The following RGS6 variants were observed in gnomAD, a reference collection of about 807,000 sequenced individuals.
RGS6 encodes the protein regulator of G-protein signaling 6.
RGS6 carries 30 observed loss-of-function variants against 78.5 expected under a neutral mutation model. The ratio of observed to expected loss-of-function variants is 0.38; its 90% CI spans 0.29 to 0.52. The LOEUF is 0.52. Ranked by LOEUF, RGS6 falls within the 20% of genes least tolerant of loss-of-function variation. The pLI, the probability that RGS6 is intolerant of heterozygous loss-of-function variation, is 0.85. For missense variants in RGS6, 495 were observed against 609.7 expected, an observed-to-expected ratio of 0.81 and a Z score of 1.98; for synonymous variants, 206 against 206.0, an observed-to-expected ratio of 1.00 and a Z score of 0.00.
chr14:72,448,965 G>A (rs910584136), intron 3 of RGS6, among the ~76,000 whole-genome samples: 2 of 152,134 alleles, frequency 1.3e-5, no homozygotes, highest in Admixed American at 1.3e-4. Flanking sequence ...CGATAACAGG[G>A]TCAAGTGCCC....
At chr14:72,287,293 G>C (rs1425455627) in intron 2 of RGS6, among the ~76,000 whole-genome samples, 1 of 151,972 alleles carries the variant, frequency 6.6e-6, no homozygotes, top group Non-Finnish European at 1.5e-5. Context: ...TTCCTGTTTG[G>C]ATTTCTTTTT....
intron 2 of RGS6, among the ~76,000 whole-genome samples, chr14:72,035,586 G>T (rs779627643): frequency 6.6e-6 from 1 of 152,010 alleles, no homozygotes. Flanking sequence ...CCTTGTTAAC[G>T]TAGGTATTTA....
At chr14:72,590,634 G>T in the RGS6 span, among the ~76,000 whole-genome samples, 2 of 152,210 alleles carry the variant, frequency 1.3e-5, no homozygotes, top group African/African-American at 4.8e-5. Flanking sequence ...CTGTAGAGTT[G>T]ATGGAACAAG....
intron 3 of RGS6, among the ~76,000 whole-genome samples, chr14:72,360,310 A>G (rs1207380738): frequency 3.3e-5 from 5 of 152,064 alleles, no homozygotes; most frequent in African/African-American, 1.2e-4. Flanking sequence ...TCACAAGGTC[A>G]GGAAATCAAG....
chr14:72,077,402 GT>G (rs1194486763), intron 2 of RGS6, among the ~76,000 whole-genome samples: 4 of 151,812 alleles, frequency 2.6e-5, no homozygotes, highest in South Asian at 2.1e-4. Flanking sequence ...CCTTTGTTTA[GT>G]TTTTTTTCGT....
At chr14:72,521,283 A>G (rs2097034772) in intron 15 of RGS6, among the ~76,000 whole-genome samples, 3 of 152,200 alleles carry the variant, frequency 2.0e-5, no homozygotes, top group Admixed American at 1.3e-4. Flanking sequence ...CTAAACCACA[A>G]TGCTAAAAAT....
At chr14:72,197,564 T>C (rs968462203) in intron 2 of RGS6, among the ~76,000 whole-genome samples, 4 of 152,124 alleles carry the variant, frequency 2.6e-5, no homozygotes, top group African/African-American at 4.8e-5. Flanking sequence ...GGGGACAATA[T>C]ATGGGTTAAA....
chr14:72,168,413 T>C (rs1346857276), intron 2 of RGS6, among the ~76,000 whole-genome samples: 2 of 152,120 alleles, frequency 1.3e-5, no homozygotes, highest in Admixed American at 6.5e-5. Context: ...ACCCAGAGCA[T>C]GGTCTAGAAC....
chr14:72,597,810 C>T, the RGS6 span, among the ~76,000 whole-genome samples: 11 of 151,990 alleles, frequency 7.2e-5, no homozygotes, highest in African/African-American at 2.4e-4. Flanking sequence ...CTATGTGCAC[C>T]GAGGAGCAGA....
intron 2 of RGS6, among the ~76,000 whole-genome samples, chr14:72,159,168 A>G (rs988121670): frequency 1.3e-5 from 2 of 152,212 alleles, no homozygotes; most frequent in Non-Finnish European, 2.9e-5. Flanking sequence ...GTGGAGTAGA[A>G]GGAGTTAGTT....
At chr14:71,890,414 C>CT in the RGS6 span, among the ~76,000 whole-genome samples, 2 of 141,544 alleles carry the variant, frequency 1.4e-5, no homozygotes, top group African/African-American at 5.5e-5. Context: ...AGAGGCTGAG[C>CT]TAGCATCTGC....
chr14:72,438,345 G>C (rs1183479671), intron 3 of RGS6, among the ~76,000 whole-genome samples: 1 of 152,072 alleles, frequency 6.6e-6, no homozygotes, highest in Non-Finnish European at 1.5e-5. Context: ...GCTGCCTGAA[G>C]TGCATTCCTA....
At chr14:72,555,871 G>A (rs2153541607) in intron 17 of RGS6, among the ~76,000 whole-genome samples, 1 of 152,358 alleles carries the variant, frequency 6.6e-6, no homozygotes, top group African/African-American at 2.4e-5. Context: ...GTGGCTGTTT[G>A]TTAGTAACTG....
chr14:72,313,621 G>A (rs1386539712), intron 2 of RGS6, among the ~76,000 whole-genome samples: 1 of 151,994 alleles, frequency 6.6e-6, no homozygotes, highest in Admixed American at 6.5e-5. Context: ...ATTAAGAGAA[G>A]CTAGCTTATC....
intron 2 of RGS6, among the ~76,000 whole-genome samples, chr14:72,137,457 C>A (rs1285818497): frequency 6.6e-6 from 1 of 152,214 alleles, no homozygotes; most frequent in African/African-American, 2.4e-5. Flanking sequence ...GGCTCAGCCC[C>A]ACAAGACTGC....
At chr14:72,068,373 C>T (rs952571414) in intron 2 of RGS6, among the ~76,000 whole-genome samples, 1 of 151,808 alleles carries the variant, frequency 6.6e-6, no homozygotes, top group African/African-American at 2.4e-5. Context: ...GAGCTCAGGC[C>T]ATCTGTCCAC....
intron 2 of RGS6, among the ~76,000 whole-genome samples, chr14:72,192,999 T>C (rs978241760): frequency 1.9e-4 from 28 of 151,316 alleles, no homozygotes; most frequent in Non-Finnish European, 3.7e-4. Flanking sequence ...TTTTTTTCTT[T>C]CTTTTTTTTT....
At chr14:72,021,502 CTT>C (rs1009085625) in intron 2 of RGS6, among the ~76,000 whole-genome samples, 4 of 122,686 alleles carry the variant, frequency 3.3e-5, no homozygotes, top group African/African-American at 3.2e-5. Context: ...GCGTTTCGCT[CTT>C]GTCACCTGGG....
chr14:71,953,840 C>G (rs1048961724), intron 1 of RGS6, among the ~76,000 whole-genome samples: 1 of 151,892 alleles, frequency 6.6e-6, no homozygotes, highest in Admixed American at 6.6e-5. Flanking sequence ...TGAAGAACTT[C>G]TTTTTGCATT....
Sources: gnomAD v4.1 joint callset for allele counts (sites outside exome capture counted in the v4.1 genomes callset) on GRCh38, gnomAD v4.1.1 for gene constraint, MANE v1.5 for transcripts, NCBI Gene and HGNC (gene_info 2026-07-23, HGNC 2026-07-21) for gene names.